The following ROR1 variants were observed in gnomAD, a reference collection of about 807,000 sequenced individuals.
ROR1 encodes the protein inactive tyrosine-protein kinase transmembrane receptor ROR1.
A neutral mutation model predicts 78.8 loss-of-function variants in ROR1; 19 were observed. That is an observed-to-expected ratio of 0.24 (90% confidence interval 0.17 to 0.35). The LOEUF (loss-of-function observed/expected upper bound fraction) is 0.35. Among genes scored for constraint, ROR1 ranks in the 10% least tolerant of loss-of-function variants. The probability of loss-of-function intolerance (pLI) is 1.00; values close to 1 mark genes in which losing one functional copy is unlikely to be tolerated. For missense variants in ROR1, 917 were observed against 1,177.8 expected, an observed-to-expected ratio of 0.78 and a Z score of 3.24; for synonymous variants, 386 against 433.6, an observed-to-expected ratio of 0.89 and a Z score of 1.36.
chr1:63,789,720 CT>C (rs1221233448), intron 1 of ROR1, among the ~76,000 whole-genome samples: 1 of 134,702 alleles, frequency 7.4e-6, no homozygotes, highest in Admixed American at 7.9e-5. Context: ...CACTGTCACT[CT>C]CTTTTGGGAT....
At chr1:64,153,090 G>A (rs563909422) in intron 7 of ROR1, among the ~76,000 whole-genome samples, 7 of 152,114 alleles carry the variant, frequency 4.6e-5, no homozygotes, top group African/African-American at 1.7e-4. Context: ...TTAAAGATTG[G>A]CCCGATTAAA....
In ROR1 at chr1:63,837,433, T is replaced by G. The variant is rs1428652348; in HGVS notation, c.91+62925T>G. On this transcript the variant is annotated intron_variant, in intron 1 of 8. Transcript: ENST00000371079. ...TATGTAGTTTGTGTACCTATTCTAC[T>G]CATTTCATTAGACTGAACTCAGTAC... Among the ~76,000 whole-genome samples, 6 of 152,214 alleles carry G rather than the reference T, an allele frequency of 3.9e-5. No individual in the cohort carries two copies. In the South Asian group the frequency reaches 1.2e-3, roughly 31 times the overall value.
chr1:64,003,821 G>A (rs1417913318), intron 1 of ROR1, among the ~76,000 whole-genome samples: 1 of 152,220 alleles, frequency 6.6e-6, no homozygotes, highest in Non-Finnish European at 1.5e-5. Flanking sequence ...ACTAGGGAGA[G>A]GAAAGAAACA....
intron 1 of ROR1, among the ~76,000 whole-genome samples, chr1:63,938,724 A>C (rs1645812950): frequency 6.6e-6 from 1 of 152,174 alleles, no homozygotes; most frequent in Non-Finnish European, 1.5e-5. Flanking sequence ...GCCTGGGTGC[A>C]GTGGCTTGTG....
intron 4 of ROR1, among the ~76,000 whole-genome samples, chr1:64,065,781 C>T (rs1646951266): frequency 6.6e-6 from 1 of 152,200 alleles, no homozygotes; most frequent in Non-Finnish European, 1.5e-5. Context: ...CTGACTCATA[C>T]ATCCTACCCC....
At chr1:63,856,722 T>C (rs556019129) in intron 1 of ROR1, among the ~76,000 whole-genome samples, 49 of 152,294 alleles carry the variant, frequency 3.2e-4, no homozygotes, top group African/African-American at 1.1e-3. Context: ...CTTCCAGGGA[T>C]CACTGCCCTT....
chr1:63,937,906 T>C (rs1645806228), intron 1 of ROR1, among the ~76,000 whole-genome samples: 1 of 152,188 alleles, frequency 6.6e-6, no homozygotes, highest in Non-Finnish European at 1.5e-5. Flanking sequence ...GCATTTAGAC[T>C]TGATCACACA....
At chr1:63,900,439 G>A (rs1569880984) in intron 1 of ROR1, among the ~76,000 whole-genome samples, 1 of 129,634 alleles carries the variant, frequency 7.7e-6, no homozygotes, top group East Asian at 2.3e-4. Flanking sequence ...GGACAACAGA[G>A]TGAGACTCCA....
intron 2 of ROR1, among the ~76,000 whole-genome samples, chr1:64,010,913 G>A (rs1646470102): frequency 6.6e-6 from 1 of 152,160 alleles, no homozygotes; most frequent in Admixed American, 6.5e-5. Flanking sequence ...ATGTAGAACT[G>A]TGAGTCAATT....
In ROR1 at chr1:64,181,437, A is replaced by G. The variant is rs938914923; in HGVS notation, c.*2582A>G. ...TATATGCATTTGTATTTCACACACC[A>G]GAGATGATATTAAACACTGATTATT... On this transcript the variant is annotated 3_prime_UTR_variant, in exon 9 of 9. Coordinates refer to ENST00000371079, the MANE Select transcript of ROR1 (RefSeq NM_005012.4). 1.3e-5 allele frequency: 2 copies of G among 152,182 alleles called. No individual in the cohort carries two copies. The highest frequency in any genetic ancestry group is 6.5e-5 in the Admixed American group (1 of 15,282). The allele number at this position is 152,182 out of a possible 1,614,324, so 9.4% of individuals were successfully genotyped here. A position where few individuals can be genotyped will look rare whatever the true frequency, so the allele number is the denominator to read the frequency against.
At chr1:63,789,308 T>G in intron 1 of ROR1, 1 of 520,722 alleles carries the variant, frequency 1.9e-6, no homozygotes. Context: ...TACTCATGGC[T>G]GTGACCATAG....
At chr1:63,950,526 T>G (rs1419999633) in intron 1 of ROR1, among the ~76,000 whole-genome samples, 1 of 152,210 alleles carries the variant, frequency 6.6e-6, no homozygotes, top group African/African-American at 2.4e-5. Context: ...CCTTCTTTAC[T>G]GCATCCTGTT....
At chr1:63,827,131 T>A (rs1644958726) in intron 1 of ROR1, among the ~76,000 whole-genome samples, 1 of 152,132 alleles carries the variant, frequency 6.6e-6, no homozygotes. Flanking sequence ...CACTTTTTAA[T>A]GGGGTTGTTG....
chr1:63,924,525 C>T (rs1037397599), intron 1 of ROR1, among the ~76,000 whole-genome samples: 5 of 152,100 alleles, frequency 3.3e-5, no homozygotes, highest in South Asian at 2.1e-4. Flanking sequence ...CAGAGCATTG[C>T]GGTATGGTGA....
At chr1:63,947,456 G>A (rs1645899489) in intron 1 of ROR1, among the ~76,000 whole-genome samples, 1 of 152,200 alleles carries the variant, frequency 6.6e-6, no homozygotes, top group African/African-American at 2.4e-5. Flanking sequence ...ATACTTCAGT[G>A]TTAAAGCATT....
chr1:64,046,527 T>C (rs1024626516), intron 2 of ROR1, among the ~76,000 whole-genome samples: 3 of 152,182 alleles, frequency 2.0e-5, no homozygotes, highest in Non-Finnish European at 4.4e-5. Flanking sequence ...ATAGATATTT[T>C]ATAGAGCAGA....
intron 4 of ROR1, 58 bp from the exon 5 acceptor site, chr1:64,137,311 T>C: frequency 6.3e-7 from 1 of 1,597,768 alleles, no homozygotes; most frequent in Non-Finnish European, 8.6e-7. Context: ...AGTCAGAGCT[T>C]GCTGTGCCCT....
At position 64,178,121 on chromosome 1, in the gene ROR1, T is replaced by C; in HGVS notation, c.2080T>C (p.Tyr694His). Residue 694 changes from tyrosine (Y) to histidine (H), a missense_variant, in exon 9 of 9, where the codon TAT becomes CAT. Transcript: ENST00000371079. This position sits in a 1 kb window ranked among gnomAD's most constrained non-coding sequence, Gnocchi z 4.3. ...EIFSFGLQPY[Y>H]GFSNQEVIEM... ...TTTCAGTTTTGGACTCCAGCCATAT[T>C]ATGGATTCAGTAACCAGGAAGTGAT... is the stretch of plus-strand genomic sequence containing the variant. The C allele has an allele frequency of 6.2e-7, 1 of 1,614,152 alleles. No homozygotes were observed. The highest frequency in any genetic ancestry group is 1.3e-5 in the African/African-American group (1 of 75,038).
At chr1:63,814,840 A>C (rs1351786708) in intron 1 of ROR1, among the ~76,000 whole-genome samples, 1 of 152,146 alleles carries the variant, frequency 6.6e-6, no homozygotes, top group African/African-American at 2.4e-5. Context: ...CCAGGTTCCT[A>C]ACAGGCCATG....
Sources: gnomAD v4.1 joint callset for allele counts (sites outside exome capture counted in the v4.1 genomes callset) on GRCh38, gnomAD v4.1.1 for gene constraint, Gnocchi (gnomAD v3.1) non-coding constraint, MANE v1.5 for transcripts, NCBI Gene and HGNC (gene_info 2026-07-23, HGNC 2026-07-21) for gene names.